Variants in USP43 observed in about 807,000 individuals in gnomAD.
The protein encoded by USP43 is ubiquitin carboxyl-terminal hydrolase 43.
USP43 carries 33 observed loss-of-function variants against 90.7 expected under a neutral mutation model. The observed-to-expected ratio is 0.36, with a 90% confidence interval of 0.28 to 0.49. USP43 has a LOEUF of 0.49. Among genes scored for constraint, USP43 ranks in the 20% least tolerant of loss-of-function variants. USP43 has a pLI of 0.98. For synonymous variants in USP43, 598 were observed against 615.8 expected, an observed-to-expected ratio of 0.97 and a Z score of 0.43; for missense variants, 1,274 against 1,476.4, an observed-to-expected ratio of 0.86 and a Z score of 2.25.
intron 6 of USP43, among the ~76,000 whole-genome samples, chr17:9,681,427 C>G (rs1402850183): frequency 1.2e-5 from 1 of 82,872 alleles, no homozygotes; most frequent in Admixed American, 1.6e-4. Context: ...AGCTAAATAT[C>G]TATATTATAT....
chr17:9,690,881 TCAAA>T (rs1423312741), intron 8 of USP43, among the ~76,000 whole-genome samples: 4 of 152,120 alleles, frequency 2.6e-5, no homozygotes, highest in South Asian at 2.1e-4. Context: ...CAAGACTGTC[TCAAA>T]CAAACAAACA....
Position 9,701,813 on chromosome 17 carries a change from C to A in USP43, c.2011+113C>A. 1 of 902,332 alleles carries A rather than the reference C, an allele frequency of 1.1e-6. No individual in the cohort carries two copies. Among genetic ancestry groups the A allele is most frequent in the Non-Finnish European group, 1.6e-6 (1 of 617,532 alleles). The allele number at this position is 902,332 out of a possible 1,614,324, so 55.9% of individuals were successfully genotyped here. A position where few individuals can be genotyped will look rare whatever the true frequency, so the allele number is the denominator to read the frequency against. ...CCCTGGGGCACTTATTGAGATCCGA[C>A]CCCTCACCCACCGCACACCAGGAAG... is the stretch of plus-strand genomic sequence containing the variant. On this transcript the variant is annotated intron_variant, in intron 12 of 14. Transcript: ENST00000285199. This position sits in a 1 kb window ranked among gnomAD's most constrained non-coding sequence, Gnocchi z 7.2.
In USP43 at chr17:9,674,823, G is replaced by T; in HGVS notation, c.741-68G>T. ...GGAGTGGAAATGCAAGGATAATTCT[G>T]TATTGAATTTTACCCCCAAATTGTT... On this transcript the variant is annotated intron_variant, in intron 3 of 14. Coordinates refer to ENST00000285199, the MANE Select transcript of USP43 (RefSeq NM_153210.5). The surrounding 1 kb of genome is among the most constrained non-coding windows in gnomAD (Gnocchi z 4.4). 1 of 1,286,520 alleles carries T rather than the reference G, an allele frequency of 7.8e-7. No individual in the cohort carries two copies. The highest frequency in any genetic ancestry group is 1.1e-6 in the Non-Finnish European group (1 of 884,008). The allele number at this position is 1,286,520 out of a possible 1,614,324, so 79.7% of individuals were successfully genotyped here. A position where few individuals can be genotyped will look rare whatever the true frequency, so the allele number is the denominator to read the frequency against.
chr17:9,682,846 T>A lies in USP43; in HGVS notation c.1129T>A (p.Ser377Thr). Residue 377 changes from serine (S) to threonine (T), a missense_variant, in exon 7 of 15, where the codon TCC becomes ACC. Physicochemically the swap from Ser to Thr is moderately conservative, Grantham distance 58. This residue lies in a region of USP43 where 253 missense variants were observed against 276.0 expected (regional missense o/e 0.92). Transcript: ENST00000285199. ...LSAHPLGLSA[S>T]PRLAAREGQR... ...AGCTCATCCACTGGGTCTGTCGGCCTCCCCACGCCTGGCAGCCCGTGAGGG... is the reference window on the plus strand; with the variant it reads ...AGCTCATCCACTGGGTCTGTCGGCCACCCCACGCCTGGCAGCCCGTGAGGG... 1 of 1,613,930 alleles carries A rather than the reference T, an allele frequency of 6.2e-7. No homozygotes were observed. Among genetic ancestry groups the A allele is most frequent in the Non-Finnish European group, 8.5e-7 (1 of 1,179,846 alleles).
At chr17:9,681,820 T>C (rs1196237158) in intron 6 of USP43, among the ~76,000 whole-genome samples, 2 of 151,968 alleles carry the variant, frequency 1.3e-5, no homozygotes, top group Non-Finnish European at 2.9e-5. Context: ...AAGGACCCTG[T>C]GCCAGTGTTA....
Position 9,678,632 on chromosome 17 carries a change from G to A in USP43, c.970-1599G>A, listed in dbSNP as rs189450378. 1.3e-4 allele frequency among the ~76,000 whole-genome samples: 19 copies of A among 151,774 alleles called. No homozygotes were observed. In the East Asian group the frequency reaches 3.1e-3, roughly 25 times the overall value. On this transcript the variant is annotated intron_variant, in intron 5 of 14. Coordinates refer to ENST00000285199, the MANE Select transcript of USP43 (RefSeq NM_153210.5). Reference sequence around the variant, plus strand: ...TGGGATTACAGGCGTGAGCCACTGCGCCCGGCCTGTATTTGGATTTATTTA... The same window carrying A: ...TGGGATTACAGGCGTGAGCCACTGCACCCGGCCTGTATTTGGATTTATTTA...
intron 14 of USP43, among the ~76,000 whole-genome samples, chr17:9,719,584 T>C (rs1449759920): frequency 1.3e-5 from 2 of 152,168 alleles, no homozygotes; most frequent in African/African-American, 4.8e-5. Flanking sequence ...GGGGCTGAAA[T>C]AGACCCGTTC....
intron 3 of USP43, 63 bp downstream of exon 3, chr17:9,666,814 C>G (rs376538598): frequency 1.3e-5 from 17 of 1,301,920 alleles, no homozygotes; most frequent in Middle Eastern, 1.8e-4. Context: ...TTCCTGGTAA[C>G]CAGTCTCCCA....
At position 9,686,426 on chromosome 17, in the gene USP43, T is replaced by A. The variant is rs1440187827; in HGVS notation, c.1242-372T>A. The stretch of plus-strand genomic sequence containing the variant: ...ACGGTGTCTCCATTCCCACCAACAG[T>A]GTATAAGAGTTCCCTTTTCTCCATA... On this transcript the variant is annotated intron_variant, in intron 7 of 14. Transcript: ENST00000285199. This position sits in a 1 kb window ranked among gnomAD's most constrained non-coding sequence, Gnocchi z 5.5. Among the ~76,000 whole-genome samples the A allele has an allele frequency of 6.6e-6, 1 of 152,116 alleles. No individual in the cohort carries two copies. The highest frequency in any genetic ancestry group is 1.5e-5 in the Non-Finnish European group (1 of 68,022).
chr17:9,685,337 A>G (rs1914538997), intron 7 of USP43, among the ~76,000 whole-genome samples: 2 of 152,206 alleles, frequency 1.3e-5, no homozygotes, highest in South Asian at 4.1e-4. Flanking sequence ...CTCACCCAGC[A>G]TTCTGTACAC....
In USP43 at chr17:9,707,375, G is replaced by A. The variant is rs144977421; in HGVS notation, c.2012-2581G>A. Reference sequence around the variant, plus strand: ...TTTTAAAAATGCTTTGGCCAGGCGCGGTGGCTCACGCCTGTAATCCCAGCA... The same window carrying A: ...TTTTAAAAATGCTTTGGCCAGGCGCAGTGGCTCACGCCTGTAATCCCAGCA... On this transcript the variant is annotated intron_variant, in intron 12 of 14. Transcript: ENST00000285199. Among the ~76,000 whole-genome samples, 1,204 of 152,062 alleles carry A rather than the reference G, an allele frequency of 7.9e-3. 18 individuals are homozygous for A. Among genetic ancestry groups the A allele is most frequent in the African/African-American group, 0.027 (1,114 of 41,488 alleles).
At chr17:9,662,081 C>T (rs1252611939) in intron 2 of USP43, among the ~76,000 whole-genome samples, 1 of 152,140 alleles carries the variant, frequency 6.6e-6, no homozygotes. Context: ...ACAGCCCACA[C>T]AAATGTTTTC....
intron 14 of USP43, among the ~76,000 whole-genome samples, chr17:9,714,255 C>A (rs758825889): frequency 2.0e-5 from 3 of 152,146 alleles, no homozygotes; most frequent in Non-Finnish European, 4.4e-5. Flanking sequence ...TTGTCCACAG[C>A]CCAGGGGTTG....
intron 7 of USP43, among the ~76,000 whole-genome samples, chr17:9,684,569 G>A (rs1914487757): frequency 6.6e-6 from 1 of 151,756 alleles, no homozygotes; most frequent in South Asian, 2.1e-4. Context: ...TTTGAGACCA[G>A]CCTGACCAAT....
In USP43 at chr17:9,681,173, CT is replaced by C. The variant is rs1567660729; in HGVS notation, c.1105+808del. The stretch of plus-strand genomic sequence containing the variant: ...TATAATATATACTATATAATATATA[CT>C]ATATAATATACTATATAATATATAC... On this transcript the variant is annotated intron_variant, in intron 6 of 14. Coordinates refer to ENST00000285199, the MANE Select transcript of USP43 (RefSeq NM_153210.5). 4.1e-3 allele frequency among the ~76,000 whole-genome samples: 271 copies of C among 65,962 alleles called. 16 individuals are homozygous for C. In the East Asian group the frequency reaches 0.044, roughly 11 times the overall value. The allele number at this position is 65,962 out of a possible 152,430, so 43.3% of individuals were successfully genotyped here.
intron 12 of USP43, among the ~76,000 whole-genome samples, chr17:9,707,646 CAAA>C (rs34253588): frequency 6.9e-5 from 6 of 87,106 alleles, no homozygotes; most frequent in Admixed American, 4.2e-4. Flanking sequence ...GACTCTGTCT[CAAA>C]AAAAAAAAAA....
chr17:9,701,169 GGCA>G lies in USP43; in HGVS notation c.1597_1599del (p.Gln533del), dbSNP rs765317762. ...CGAGCGCAGGATGCCGACAGTGTGTGGCAGCAGCAGCAGGCGCATCAGCAGCAC... is the reference window on the plus strand; with the variant it reads ...CGAGCGCAGGATGCCGACAGTGTGTGGCAGCAGCAGGCGCATCAGCAGCAC... On this transcript the variant is annotated inframe_deletion, in exon 11 of 15. Transcript: ENST00000285199. The surrounding 1 kb of genome is among the most constrained non-coding windows in gnomAD (Gnocchi z 7.2). The G allele has an allele frequency of 2.3e-5, 35 of 1,537,758 alleles. No homozygotes were observed. Among genetic ancestry groups the G allele is most frequent in the South Asian group, 8.9e-5 (7 of 78,366 alleles).
intron 14 of USP43, among the ~76,000 whole-genome samples, chr17:9,715,773 CTA>C (rs144914161): frequency 0.14 from 17,400 of 124,214 alleles, 2,063 homozygotes; most frequent in African/African-American, 0.35. Context: ...GTGTTTGTGT[CTA>C]TGTGTGTGTC....
intron 1 of USP43, among the ~76,000 whole-genome samples, chr17:9,646,718 C>T (rs1271179023): frequency 6.6e-6 from 1 of 152,100 alleles, no homozygotes; most frequent in Non-Finnish European, 1.5e-5. Context: ...CACGTAAGAC[C>T]TAGGAGGCAA....
Sources: allele counts gnomAD v4.1 joint callset (sites outside exome capture counted in the v4.1 genomes callset), GRCh38; gene constraint gnomAD v4.1.1; regional missense constraint gnomAD v4.1.1; non-coding constraint Gnocchi (gnomAD v3.1); transcripts MANE v1.5; gene names NCBI Gene and HGNC (gene_info 2026-07-23, HGNC 2026-07-21).